Variants in SYN2 observed in about 807,000 individuals in gnomAD.
SYN2 encodes the protein synapsin-2.
In SYN2, 19 loss-of-function variants were observed where a neutral mutation model predicts 50.9. That is an observed-to-expected ratio of 0.37 (90% CI 0.26 to 0.55). SYN2 has a LOEUF of 0.55. Ranked by LOEUF, SYN2 falls within the 20% of genes least tolerant of loss-of-function variation. The probability of loss-of-function intolerance (pLI) is 0.81; values close to 1 mark genes in which losing one functional copy is unlikely to be tolerated. For missense variants in SYN2, 587 were observed against 576.4 expected, an observed-to-expected ratio of 1.02 and a Z score of -0.19; for synonymous variants, 255 against 224.9, an observed-to-expected ratio of 1.13 and a Z score of -1.20.
Position 12,040,940 on chromosome 3 carries a change from T to A in SYN2, c.377+36012T>A, listed in dbSNP as rs537115955. The stretch of plus-strand genomic sequence containing the variant: ...TAACCTTTAACTGAGAGGTACTTTC[T>A]TAGAGCTGGAGCTTGGGAAGAGGAG... On this transcript the variant is annotated intron_variant, in intron 1 of 12. Transcript: ENST00000621198. Among the ~76,000 whole-genome samples the A allele has an allele frequency of 4.9e-4, 75 of 152,314 alleles. 1 individual carries two copies. Among genetic ancestry groups the A allele is most frequent in the African/African-American group, 1.6e-3 (67 of 41,570 alleles).
intron 4 of SYN2, among the ~76,000 whole-genome samples, chr3:12,150,738 CA>C (rs1452545649): frequency 6.6e-6 from 1 of 152,188 alleles, no homozygotes; most frequent in Admixed American, 6.5e-5. Context: ...GCCTCCTGCT[CA>C]AATTCTTGGT....
At chr3:12,131,198 T>C (rs1032641370) in intron 1 of SYN2, among the ~76,000 whole-genome samples, 1 of 152,198 alleles carries the variant, frequency 6.6e-6, no homozygotes, top group Non-Finnish European at 1.5e-5. Context: ...AGGTGCCTTT[T>C]TCTAATTCCT....
In SYN2 at chr3:12,191,030, G is replaced by T. The variant is rs981780353; in HGVS notation, c.*405G>T. 6 of 995,326 alleles carry T rather than the reference G, an allele frequency of 6.0e-6. No homozygotes were observed. The African/African-American group carries it at 7.0e-5, about 12-fold the overall frequency. 61.7% of individuals were successfully genotyped at this position (995,326 alleles called of 1,614,324 possible). On this transcript the variant is annotated 3_prime_UTR_variant, in exon 13 of 13. Coordinates refer to ENST00000621198, the MANE Select transcript of SYN2 (RefSeq NM_133625.6). ...GCTAAGCATGCCCCGCCCCCATTCAGTGATACCTGTTTGGGAAGTATATAC... is the reference window on the plus strand; with the variant it reads ...GCTAAGCATGCCCCGCCCCCATTCATTGATACCTGTTTGGGAAGTATATAC...
chr3:12,044,200 C>CAG (rs1694684783), intron 1 of SYN2, among the ~76,000 whole-genome samples: 1 of 150,236 alleles, frequency 6.7e-6, no homozygotes, highest in Non-Finnish European at 1.5e-5. Context: ...CACACACACA[C>CAG]ACACACACAC....
At chr3:12,153,676 C>T in intron 5 of SYN2, 1 of 1,614,178 alleles carries the variant, frequency 6.2e-7, no homozygotes, top group Non-Finnish European at 8.5e-7. Flanking sequence ...TCGTTAGGGG[C>T]CGAGATGGTA....
At chr3:12,166,161 C>T (rs906209180) in intron 7 of SYN2, among the ~76,000 whole-genome samples, 4 of 152,156 alleles carry the variant, frequency 2.6e-5, no homozygotes, top group African/African-American at 9.7e-5. Context: ...AGCCATATAT[C>T]TAGGTTCCTC....
intron 3 of SYN2, among the ~76,000 whole-genome samples, chr3:12,142,699 G>C (rs1206399686): frequency 1.3e-5 from 2 of 152,194 alleles, no homozygotes; most frequent in Admixed American, 1.3e-4. Context: ...AGCTGGGAGA[G>C]GGGGCGGCGG....
intron 1 of SYN2, among the ~76,000 whole-genome samples, chr3:12,100,454 C>T (rs1048010284): frequency 1.3e-5 from 2 of 152,082 alleles, no homozygotes; most frequent in Non-Finnish European, 2.9e-5. Flanking sequence ...GATTGGAACC[C>T]TATCTCATAC....
chr3:12,168,529 G>A, intron 9 of SYN2, 51 bp downstream of exon 9: 1 of 1,492,304 alleles, frequency 6.7e-7, no homozygotes, highest in Non-Finnish European at 9.3e-7. Flanking sequence ...TAAGAACTAT[G>A]TGGGCAGCTC....
chr3:12,008,603 G>A (rs942493090), intron 1 of SYN2, among the ~76,000 whole-genome samples: 2 of 152,172 alleles, frequency 1.3e-5, no homozygotes, highest in African/African-American at 2.4e-5. Context: ...TGAAGGATAT[G>A]CCATTAGTGC....
intron 1 of SYN2, among the ~76,000 whole-genome samples, chr3:12,117,224 A>C (rs1322666959): frequency 6.6e-6 from 1 of 152,234 alleles, no homozygotes; most frequent in East Asian, 1.9e-4. Context: ...ATGTACCATC[A>C]CTGTGATCTC....
chr3:12,088,662 TAA>T (rs61156889), intron 1 of SYN2, among the ~76,000 whole-genome samples: 116,686 of 151,928 alleles, frequency 0.77, 46,293 homozygotes, highest in East Asian at 0.97. Context: ...AATGGACGGA[TAA>T]ACAAAAATGT....
rs540528394 is a variant in SYN2, at chr3:12,035,813, G to T, written c.377+30885G>T. On this transcript the variant is annotated intron_variant, in intron 1 of 12. Coordinates refer to ENST00000621198, the MANE Select transcript of SYN2 (RefSeq NM_133625.6). The stretch of plus-strand genomic sequence containing the variant: ...CTCTCAGCAAGAAATTTAGAACAAA[G>T]AATGGTGGAAGACAGAGTTCAGTCC... 9.2e-5 allele frequency among the ~76,000 whole-genome samples: 14 copies of T among 152,314 alleles called. No individual in the cohort carries two copies. In the East Asian group the frequency reaches 2.7e-3, roughly 29 times the overall value.
intron 1 of SYN2, among the ~76,000 whole-genome samples, chr3:12,137,473 C>T (rs1696919278): frequency 1.3e-5 from 2 of 152,156 alleles, no homozygotes; most frequent in Non-Finnish European, 1.5e-5. Flanking sequence ...ATTATTCATC[C>T]TGTGGATATA....
rs547957341 is a variant in SYN2 at position 12,067,104 on chromosome 3, A to C, written c.377+62176A>C. Among the ~76,000 whole-genome samples, 8 of 152,236 alleles carry C rather than the reference A, an allele frequency of 5.3e-5. No individual in the cohort carries two copies. In the South Asian group the frequency reaches 1.7e-3, roughly 32 times the overall value. On this transcript the variant is annotated intron_variant, in intron 1 of 12. Coordinates refer to ENST00000621198, the MANE Select transcript of SYN2 (RefSeq NM_133625.6). ...CCTTTCACTGGGTCCCTCCCACGAC[A>C]TGTGGGGATTATGGGAACTACAAGA...
At chr3:12,077,507 T>TCC (rs1195921200) in intron 1 of SYN2, among the ~76,000 whole-genome samples, 1 of 151,924 alleles carries the variant, frequency 6.6e-6, no homozygotes, top group Admixed American at 6.6e-5. Context: ...AGTGTGGTGT[T>TCC]CCCCTCCCTG....
At chr3:12,146,683 T>C (rs1434404992) in intron 4 of SYN2, among the ~76,000 whole-genome samples, 1 of 152,184 alleles carries the variant, frequency 6.6e-6, no homozygotes, top group Non-Finnish European at 1.5e-5. Context: ...TGGTTTTCTC[T>C]TCCTTGGCCA....
At chr3:12,159,504 G>A (rs972925802) in intron 5 of SYN2, among the ~76,000 whole-genome samples, 2 of 152,120 alleles carry the variant, frequency 1.3e-5, no homozygotes, top group African/African-American at 4.8e-5. Flanking sequence ...CTGTTGCCTG[G>A]GGGGTGGGGA....
At chr3:12,042,164 G>C (rs1477803040) in intron 1 of SYN2, among the ~76,000 whole-genome samples, 1 of 152,178 alleles carries the variant, frequency 6.6e-6, no homozygotes, top group Non-Finnish European at 1.5e-5. Context: ...GCATGTATCA[G>C]TATATTTGGT....
Sources: gnomAD v4.1 joint callset for allele counts (sites outside exome capture counted in the v4.1 genomes callset) on GRCh38, gnomAD v4.1.1 for gene constraint, MANE v1.5 for transcripts, NCBI Gene and HGNC (gene_info 2026-07-23, HGNC 2026-07-21) for gene names.